LUZP2: variants seen among roughly 807,000 people sequenced by gnomAD.
The protein encoded by LUZP2 is leucine zipper protein 2.
A neutral mutation model predicts 51.6 loss-of-function variants in LUZP2; 52 were observed. The observed-to-expected ratio is 1.01, with a 90% CI of 0.81 to 1.27. The LOEUF (loss-of-function observed/expected upper bound fraction) is 1.27. Ranked by LOEUF, LUZP2 falls within the 50% of genes most tolerant of loss-of-function variation. LUZP2 has a pLI of 0.00. For missense variants in LUZP2, 436 were observed against 395.4 expected (o/e 1.10, Z -0.87); for synonymous variants, 154 against 137.3 (o/e 1.12, Z -0.85).
intron 1 of LUZP2, among the ~76,000 whole-genome samples, chr11:24,717,159 G>A (rs1408201885): frequency 6.6e-6 from 1 of 151,298 alleles, no homozygotes; most frequent in Non-Finnish European, 1.5e-5. Flanking sequence ...AACAGAGTAG[G>A]TAAAGGAATT....
rs78868701 is a variant in LUZP2 at position 24,901,843 on chromosome 11, A to G, written c.397-4148A>G. Among the ~76,000 whole-genome samples the G allele has an allele frequency of 3.5e-4, 53 of 152,220 alleles. 1 individual carries two copies. The East Asian group carries it at 9.7e-3, about 28-fold the overall frequency. On this transcript the variant is annotated intron_variant, in intron 5 of 11. Transcript: ENST00000336930. Reference sequence around the variant, plus strand: ...CAGCTGTCTTTGCTATATTTTTGCTATATTTAGAGTCGAGTCCCATCTCTC... The same window carrying G: ...CAGCTGTCTTTGCTATATTTTTGCTGTATTTAGAGTCGAGTCCCATCTCTC...
intron 5 of LUZP2, among the ~76,000 whole-genome samples, chr11:24,860,209 C>G (rs901295360): frequency 6.6e-6 from 1 of 152,158 alleles, no homozygotes; most frequent in Non-Finnish European, 1.5e-5. Context: ...CAAGTCAGAC[C>G]CTGTCCCATC....
chr11:24,502,048 A>G (rs1850010213), intron 1 of LUZP2, among the ~76,000 whole-genome samples: 1 of 151,794 alleles, frequency 6.6e-6, no homozygotes, highest in African/African-American at 2.4e-5. Context: ...AGACCTCCCC[A>G]TAACACCTAC....
intron 9 of LUZP2, among the ~76,000 whole-genome samples, chr11:25,010,021 T>C (rs1374790430): frequency 6.6e-6 from 1 of 152,222 alleles, no homozygotes; most frequent in Non-Finnish European, 1.5e-5. Context: ...TAAATTATGA[T>C]TTTTAAAGTA....
At chr11:24,738,378 G>A in intron 4 of LUZP2, 76 bp downstream of exon 4, 1 of 936,300 alleles carries the variant, frequency 1.1e-6, no homozygotes, top group Non-Finnish European at 1.7e-6. Context: ...AATCACTATG[G>A]AACAAACACA....
At chr11:24,521,557 G>A (rs534716490) in intron 1 of LUZP2, among the ~76,000 whole-genome samples, 17 of 152,206 alleles carry the variant, frequency 1.1e-4, no homozygotes, top group South Asian at 2.1e-4. Flanking sequence ...TAGACTTACA[G>A]TATACCTACT....
rs979303295 is a variant in LUZP2 at position 24,786,237 on chromosome 11, G to A, written c.396+22929G>A. On this transcript the variant is annotated intron_variant, in intron 5 of 11. Coordinates refer to ENST00000336930, the MANE Select transcript of LUZP2 (RefSeq NM_001009909.4). ...TTTTAGGTTAACTTAATTTCCCATC[G>A]TAATTGCATGCATGCATGTTTGATA... The A allele has an allele frequency of 1.1e-4, 110 of 961,292 alleles. No homozygotes were observed. The African/African-American group carries it at 1.6e-3, about 14-fold the overall frequency. The allele number at this position is 961,292 out of a possible 1,614,324, so 59.5% of individuals were successfully genotyped here.
chr11:24,745,198 A>G (rs549082925), intron 4 of LUZP2, among the ~76,000 whole-genome samples: 36 of 152,220 alleles, frequency 2.4e-4, no homozygotes, highest in Admixed American at 5.2e-4. Flanking sequence ...TGTTGGATGA[A>G]ACGTTCTGTA....
Position 24,577,323 on chromosome 11 carries a change from A to G in LUZP2, c.62+80018A>G, listed in dbSNP as rs186560128. On this transcript the variant is annotated intron_variant, in intron 1 of 11. Transcript: ENST00000336930. ...TATTTAAAGGCAAACATTATTTTAT[A>G]TATTTTAAAATGAACAGATATGTTA... Among the ~76,000 whole-genome samples the G allele has an allele frequency of 2.6e-5, 4 of 152,264 alleles. No individual in the cohort carries two copies. In the East Asian group the frequency reaches 7.7e-4, roughly 29 times the overall value.
intron 7 of LUZP2, among the ~76,000 whole-genome samples, chr11:24,917,603 A>T (rs901886607): frequency 1.1e-3 from 162 of 152,232 alleles, no homozygotes; most frequent in Non-Finnish European, 1.3e-3. Flanking sequence ...TCTTTTCCCC[A>T]TTTCTTGTTT....
intron 1 of LUZP2, among the ~76,000 whole-genome samples, chr11:24,503,580 C>T (rs918930860): frequency 6.6e-6 from 1 of 152,182 alleles, no homozygotes; most frequent in Non-Finnish European, 1.5e-5. Context: ...GTTTTAATCT[C>T]TTTAAGTGTA....
chr11:25,062,119 G>A (rs1336369610), intron 10 of LUZP2, among the ~76,000 whole-genome samples: 2 of 150,016 alleles, frequency 1.3e-5, no homozygotes, highest in African/African-American at 4.9e-5. Flanking sequence ...GGGAGAAGAA[G>A]AAAAAGGAGG....
chr11:24,606,288 T>C (rs1163374599), intron 1 of LUZP2, among the ~76,000 whole-genome samples: 1 of 151,990 alleles, frequency 6.6e-6, no homozygotes, highest in Non-Finnish European at 1.5e-5. Context: ...AATATAGTAT[T>C]ATTATATATT....
intron 1 of LUZP2, among the ~76,000 whole-genome samples, chr11:24,517,392 A>C (rs991013566): frequency 2.7e-5 from 4 of 146,356 alleles, no homozygotes; most frequent in African/African-American, 1.0e-4. Flanking sequence ...AGGCTGAGGC[A>C]GGAGAATGGC....
chr11:24,732,210 T>A (rs1053213675), intron 3 of LUZP2, 22 bp downstream of exon 3: 2 of 1,551,346 alleles, frequency 1.3e-6, no homozygotes, highest in Non-Finnish European at 1.8e-6. Context: ...CTTTTTTTCT[T>A]AGTTATTTCT....
At chr11:24,635,700 AT>A (rs1855075470) in intron 1 of LUZP2, among the ~76,000 whole-genome samples, 1 of 151,620 alleles carries the variant, frequency 6.6e-6, no homozygotes, top group South Asian at 2.1e-4. Context: ...CTGTAATGAA[AT>A]TTGGAGAGAA....
At chr11:24,500,389 T>G (rs1302073239) in intron 1 of LUZP2, among the ~76,000 whole-genome samples, 2 of 152,008 alleles carry the variant, frequency 1.3e-5, no homozygotes, top group Non-Finnish European at 2.9e-5. Context: ...CACAAATAAA[T>G]GTGATCAAAG....
chr11:24,777,545 G>A (rs1848971374), intron 5 of LUZP2, among the ~76,000 whole-genome samples: 1 of 152,074 alleles, frequency 6.6e-6, no homozygotes, highest in East Asian at 1.9e-4. Flanking sequence ...AAAATCTAAT[G>A]TATCAAAATT....
intron 7 of LUZP2, among the ~76,000 whole-genome samples, chr11:24,931,031 G>C (rs1487612829): frequency 6.6e-6 from 1 of 151,800 alleles, no homozygotes; most frequent in Non-Finnish European, 1.5e-5. Context: ...GGCCAACATG[G>C]TGAAACCTGT....
Sources: allele counts gnomAD v4.1 joint callset (sites outside exome capture counted in the v4.1 genomes callset), GRCh38; gene constraint gnomAD v4.1.1; transcripts MANE v1.5; gene names NCBI Gene and HGNC (gene_info 2026-07-23, HGNC 2026-07-21).